The following MPPED2 variants were observed in gnomAD, a reference collection of about 807,000 sequenced individuals.
MPPED2 encodes the protein metallophosphoesterase domain containing 2, also known as metallophosphoesterase MPPED2.
In MPPED2, 5 loss-of-function variants were observed where a neutral mutation model predicts 33.0. The observed-to-expected ratio is 0.15, with a 90% confidence interval of 0.08 to 0.32. The LOEUF (loss-of-function observed/expected upper bound fraction) is 0.32. Ranked by LOEUF, MPPED2 falls within the 10% of genes least tolerant of loss-of-function variation. The probability of loss-of-function intolerance (pLI) is 1.00; values close to 1 mark genes in which losing one functional copy is unlikely to be tolerated. For missense variants in MPPED2, 275 were observed against 372.1 expected (o/e 0.74, Z 2.15); for synonymous variants, 136 against 141.9 (o/e 0.96, Z 0.29).
At chr11:30,551,068 T>C (rs935238186) in intron 2 of MPPED2, among the ~76,000 whole-genome samples, 2 of 152,230 alleles carry the variant, frequency 1.3e-5, no homozygotes, top group African/African-American at 2.4e-5. Flanking sequence ...AAAAGGGCAT[T>C]GTAATTATTC....
chr11:30,577,816 G>A (rs1469133066), intron 2 of MPPED2, among the ~76,000 whole-genome samples: 1 of 152,152 alleles, frequency 6.6e-6, no homozygotes, highest in African/African-American at 2.4e-5. Context: ...GTCAAGAACT[G>A]ACAGAAAAAT....
At chr11:30,433,454 A>G (rs1172498742) in intron 4 of MPPED2, among the ~76,000 whole-genome samples, 5 of 152,188 alleles carry the variant, frequency 3.3e-5, no homozygotes, top group Non-Finnish European at 4.4e-5. Flanking sequence ...CTTTGAGGTG[A>G]ATGCTGTGAT....
intron 5 of MPPED2, among the ~76,000 whole-genome samples, chr11:30,416,391 G>A (rs773745346): frequency 1.3e-5 from 2 of 152,186 alleles, no homozygotes; most frequent in African/African-American, 2.4e-5. Flanking sequence ...CAAGTGCCTT[G>A]GAGGAGAAAA....
intron 3 of MPPED2, among the ~76,000 whole-genome samples, chr11:30,507,446 T>C (rs962407079): frequency 1.3e-5 from 2 of 152,182 alleles, no homozygotes; most frequent in African/African-American, 2.4e-5. Flanking sequence ...TTTAATAATA[T>C]CCACGCTGGA....
intron 2 of MPPED2, among the ~76,000 whole-genome samples, chr11:30,547,700 G>A (rs1456733844): frequency 2.0e-5 from 3 of 152,094 alleles, no homozygotes; most frequent in African/African-American, 4.8e-5. Context: ...TGATCCATTT[G>A]CAAATTAATT....
At chr11:30,572,936 T>A (rs1956769219) in intron 2 of MPPED2, among the ~76,000 whole-genome samples, 1 of 152,198 alleles carries the variant, frequency 6.6e-6, no homozygotes. Context: ...GAGATGATGC[T>A]AAGACCATTA....
intron 2 of MPPED2, among the ~76,000 whole-genome samples, chr11:30,557,248 A>G (rs1956014814): frequency 6.8e-6 from 1 of 146,062 alleles, no homozygotes. Flanking sequence ...AAACTCTGAA[A>G]CAGCTGTATT....
At chr11:30,555,458 T>C (rs982234695) in intron 2 of MPPED2, among the ~76,000 whole-genome samples, 2 of 152,132 alleles carry the variant, frequency 1.3e-5, no homozygotes, top group African/African-American at 4.8e-5. Flanking sequence ...TTTGGCTGTC[T>C]CCCCACCCAA....
intron 3 of MPPED2, among the ~76,000 whole-genome samples, chr11:30,527,886 G>C (rs538645910): frequency 6.6e-6 from 1 of 152,164 alleles, no homozygotes; most frequent in Non-Finnish European, 1.5e-5. Context: ...CAGCATGCTC[G>C]GAAAATGTCA....
Position 30,414,251 on chromosome 11 carries a change from T to A in MPPED2, c.743A>T (p.His248Leu). 6.2e-7 allele frequency: 1 copy of A among 1,613,566 alleles called. No homozygotes were observed. The highest frequency in any genetic ancestry group is 2.2e-5 in the East Asian group (1 of 44,876). Residue 248 changes from histidine (H) to leucine (L), a missense_variant, in exon 6 of 7, where the codon CAT (histidine) becomes CTT (leucine). By Grantham distance (99) the His-to-Leu change is moderately conservative. Transcript: ENST00000358117. ...ACCTTCATGGATTCCACCAAACACA[T>A]GGAGCTTGGGCCGGACTCGCCTCTG... ...TVQRRVRPKL[H>L]VFGGIHEGYG... is the part of the protein sequence containing the mutation.
intron 6 of MPPED2, among the ~76,000 whole-genome samples, chr11:30,398,912 G>GT (rs528360891): frequency 1.3e-5 from 2 of 151,974 alleles, no homozygotes; most frequent in Admixed American, 6.6e-5. Flanking sequence ...GGTTATAAAT[G>GT]TTTTTTTATT....
intron 4 of MPPED2, among the ~76,000 whole-genome samples, chr11:30,475,983 C>T (rs1044057932): frequency 8.5e-5 from 13 of 152,082 alleles, no homozygotes; most frequent in African/African-American, 3.1e-4. Context: ...ATTTGCATTT[C>T]AGCCATGACT....
chr11:30,550,698 A>G (rs1955665565), intron 2 of MPPED2, among the ~76,000 whole-genome samples: 1 of 152,158 alleles, frequency 6.6e-6, no homozygotes, highest in African/African-American at 2.4e-5. Context: ...GGGACACTTT[A>G]CTAACCAGAA....
intron 4 of MPPED2, among the ~76,000 whole-genome samples, chr11:30,435,086 G>A (rs576066586): frequency 5.5e-4 from 84 of 152,268 alleles, no homozygotes; most frequent in African/African-American, 1.9e-3. Context: ...CATAGTTTGC[G>A]AGTGCATTCC....
At chr11:30,436,576 G>A (rs981199759) in intron 4 of MPPED2, among the ~76,000 whole-genome samples, 2 of 152,118 alleles carry the variant, frequency 1.3e-5, no homozygotes, top group South Asian at 2.1e-4. Flanking sequence ...AGCACCTACC[G>A]CACAAGGTCC....
At chr11:30,417,914 C>G (rs1053507429) in intron 4 of MPPED2, among the ~76,000 whole-genome samples, 1 of 152,182 alleles carries the variant, frequency 6.6e-6, no homozygotes, top group African/African-American at 2.4e-5. Flanking sequence ...AATGCTTTGT[C>G]TTCCCCTAAA....
chr11:30,470,652 A>ACTTACAGT (rs1472801516), intron 4 of MPPED2, among the ~76,000 whole-genome samples: 2 of 152,146 alleles, frequency 1.3e-5, no homozygotes, highest in Non-Finnish European at 2.9e-5. Context: ...CCTTCATATC[A>ACTTACAGT]CTTACAGTCT....
chr11:30,475,933 C>T (rs1376498330), intron 4 of MPPED2, among the ~76,000 whole-genome samples: 1 of 151,954 alleles, frequency 6.6e-6, no homozygotes, highest in Non-Finnish European at 1.5e-5. Flanking sequence ...AAATTTTAGC[C>T]ATTCTATTGT....
At chr11:30,472,535 G>A (rs1308667569) in intron 4 of MPPED2, among the ~76,000 whole-genome samples, 6 of 152,164 alleles carry the variant, frequency 3.9e-5, no homozygotes, top group Middle Eastern at 3.4e-3. Flanking sequence ...CAAATAAATG[G>A]ATAAACAGCA....
Sources: gnomAD v4.1 joint callset for allele counts (sites outside exome capture counted in the v4.1 genomes callset) on GRCh38, gnomAD v4.1.1 for gene constraint, MANE v1.5 for transcripts, NCBI Gene and HGNC (gene_info 2026-07-23, HGNC 2026-07-21) for gene names.